The following PNKP variants were observed in gnomAD, a reference collection of about 807,000 sequenced individuals.
PNKP encodes the protein bifunctional polynucleotide phosphatase/kinase.
PNKP carries 82 observed loss-of-function variants against 66.2 expected under a neutral mutation model. The ratio of observed to expected loss-of-function variants is 1.24; its 90% confidence interval spans 1.04 to 1.49. The LOEUF is 1.49. Ranked by LOEUF, PNKP falls within the 40% of genes most tolerant of loss-of-function variation. The pLI is 0.00. For synonymous variants in PNKP, 412 were observed against 298.9 expected (o/e 1.38, Z -3.90); for missense variants, 907 against 706.8 (o/e 1.28, Z -3.21).
rs796052850 is a variant in PNKP at position 49,864,205 on chromosome 19, G to A, written c.610C>T (p.Arg204Ter). The part of the protein sequence containing the change: ...ILYPEIPRKL[R>*]ELEAEGYKLV... Reference sequence around the variant, plus strand: ...TTGTAGCCCTCGGCTTCCAGCTCTCGGAGCTTACGGGGAATCTCTGGGTAC... The same window carrying A: ...TTGTAGCCCTCGGCTTCCAGCTCTCAGAGCTTACGGGGAATCTCTGGGTAC... Residue 204 changes from arginine to a stop codon, truncating the protein, a stop_gained, in exon 6 of 17, where the codon CGA becomes TGA. Transcript: ENST00000322344. LOFTEE classifies it high-confidence loss of function. 1.9e-5 allele frequency: 30 copies of A among 1,614,026 alleles called. No individual in the cohort carries two copies. The highest frequency in any genetic ancestry group is 3.3e-5 in the South Asian group (3 of 91,088).
Position 49,867,563 on chromosome 19 carries a change from C to T in PNKP, c.-108G>A. ...ACCCGGCCGGCGGCGGTCGGTTCCT[C>T]GGCGGACGGAAATGACTCGTCCCCT... is the stretch of plus-strand genomic sequence containing the variant. On this transcript the variant is annotated 5_prime_UTR_variant, in exon 1 of 17. Coordinates refer to ENST00000322344, the MANE Select transcript of PNKP (RefSeq NM_007254.4). 4.8e-6 allele frequency: 1 copy of T among 206,506 alleles called. No individual in the cohort carries two copies. Among genetic ancestry groups the T allele is most frequent in the Non-Finnish European group, 9.1e-6 (1 of 110,294 alleles). The allele number at this position is 206,506 out of a possible 1,614,324, so 12.8% of individuals were successfully genotyped here.
chr19:49,864,395 G>C lies in PNKP; in HGVS notation c.507C>G (p.Gly169=). 6.2e-7 allele frequency: 1 copy of C among 1,613,348 alleles called. No homozygotes were observed. The highest frequency in any genetic ancestry group is 1.1e-5 in the South Asian group (1 of 91,070). ...AGVKPQGKVA[G]FDLDGTLITT... ...TGATGAGCGTCCCGTCCAGATCAAA[G>C]CCAGCCACCTGGTGTCACCAAGGAA... Residue 169 remains glycine (G), a synonymous_variant, in exon 5 of 17, where the codon GGC becomes GGG. Transcript: ENST00000322344.
chr19:49,861,671 C>A lies in PNKP; in HGVS notation c.1323G>T (p.Ala441=), dbSNP rs778138676. Residue 441 remains alanine, a synonymous_variant, in exon 15 of 17, where the codon GCG becomes GCT. Coordinates refer to ENST00000322344, the MANE Select transcript of PNKP (RefSeq NM_007254.4). The part of the protein sequence containing the change: ...RARYVQCARA[A]GVPCRCFLFT... ...AGAGGAAGCAGCGGCAGGGGACGCC[C>A]GCGGCTCGGGCACACTGGACGTACC... 4 of 1,548,102 alleles carry A rather than the reference C, an allele frequency of 2.6e-6. No individual in the cohort carries two copies. The South Asian group carries it at 3.6e-5, about 14-fold the overall frequency.
At position 49,865,228 on chromosome 19, in the gene PNKP, C is replaced by T. The variant is rs775168371; in HGVS notation, c.397G>A (p.Ala133Thr). Residue 133 changes from alanine to threonine, a missense_variant, in exon 4 of 17, where the codon GCT becomes ACT. Ala to Thr is a moderately conservative substitution (Grantham distance 58, BLOSUM62 0). Transcript: ENST00000322344. Reference protein sequence around the residue: ...PLVSQDEKRDAELPKKRMRKS... With the variant: ...PLVSQDEKRDTELPKKRMRKS... ...CGCATACGCTTCTTCGGCAGCTCAG[C>T]ATCTCTCTTCTCATCTTGGGACACC... is the stretch of plus-strand genomic sequence containing the variant. 1 of 1,614,208 alleles carries T rather than the reference C, an allele frequency of 6.2e-7. No homozygotes were observed. The highest frequency in any genetic ancestry group is 1.1e-5 in the South Asian group (1 of 91,086).
rs2074823183 is a variant in PNKP at position 49,866,694 on chromosome 19, C to G, written c.152-249G>C. 8.0e-6 allele frequency: 5 copies of G among 623,052 alleles called. No homozygotes were observed. The Admixed American group carries it at 1.2e-4, about 15-fold the overall frequency. 38.6% of individuals were successfully genotyped at this position (623,052 alleles called of 1,614,324 possible). ...GTTTCCTCCTTGACAAAAAATGTGG[C>G]TAGATATAGGTCCGGGGCTTGGCCT... On this transcript the variant is annotated intron_variant, in intron 2 of 16. Transcript: ENST00000322344.
At chr19:49,863,414 C>T (rs971271233) in intron 8 of PNKP, among the ~76,000 whole-genome samples, 2 of 152,266 alleles carry the variant, frequency 1.3e-5, no homozygotes, top group Non-Finnish European at 2.9e-5. Flanking sequence ...GTCCCGCTCA[C>T]TGATACCTTC....
At chr19:49,866,559 A>C (rs2074822295) in intron 2 of PNKP, 114 bp from the exon 3 acceptor site, 1 of 983,616 alleles carries the variant, frequency 1.0e-6, no homozygotes, top group African/African-American at 1.6e-5. Context: ...GAGGCAGTTT[A>C]TTTCTACATG....
At chr19:49,863,815 G>A (rs1279954653) in intron 7 of PNKP, 55 bp from the exon 8 acceptor site, 23 of 1,481,342 alleles carry the variant, frequency 1.6e-5, no homozygotes, top group South Asian at 6.0e-5. Flanking sequence ...CCTACTGGAT[G>A]CCACCCCAGC....
rs2074821167 is a variant in PNKP, at chr19:49,866,444, C to T, written c.153G>A (p.Val51=). 1 of 1,614,180 alleles carries T rather than the reference C, an allele frequency of 6.2e-7. No homozygotes were observed. The highest frequency in any genetic ancestry group is 1.1e-5 in the South Asian group (1 of 91,088). ...VTDRKCSRTQ[V]ELVADPETRT... Reference sequence around the variant, plus strand: ...GGGTCTCAGGATCTGCGACCAGCTCCACTGAGGATTGGAGGGGTGGAGTCA... The same window carrying T: ...GGGTCTCAGGATCTGCGACCAGCTCTACTGAGGATTGGAGGGGTGGAGTCA... The change falls in exon 3 of 17, where the codon GTG becomes GTA. Residue 51 remains valine, a splice_region_variant and synonymous_variant. Coordinates refer to ENST00000322344, the MANE Select transcript of PNKP (RefSeq NM_007254.4).
Position 49,863,986 on chromosome 19 carries a change from T to A in PNKP, c.722A>T (p.Glu241Val). ...TACCTGGAAGGGGACCCCCAGCTTCTCCACCACAGCCTCCACCTTGGCCTT... is the reference window on the plus strand; with the variant it reads ...TACCTGGAAGGGGACCCCCAGCTTCACCACCACAGCCTCCACCTTGGCCTT... The part of the protein sequence containing the change: ...EFKAKVEAVV[E>V]KLGVPFQVLV... Residue 241 changes from glutamate (E) to valine (V), a missense_variant, in exon 7 of 17, where the codon GAG becomes GTG. Glu to Val is a moderately radical substitution (Grantham distance 121, BLOSUM62 -2). Coordinates refer to ENST00000322344, the MANE Select transcript of PNKP (RefSeq NM_007254.4). 1 of 1,613,768 alleles carries A rather than the reference T, an allele frequency of 6.2e-7. No individual in the cohort carries two copies. Among genetic ancestry groups the A allele is most frequent in the Non-Finnish European group, 8.5e-7 (1 of 1,179,752 alleles).
Position 49,862,755 on chromosome 19 carries a change from TGAG to T in PNKP, c.817-20_817-18del, listed in dbSNP as rs1568660706. 1.2e-6 allele frequency: 2 copies of T among 1,613,828 alleles called. No individual in the cohort carries two copies. Among genetic ancestry groups the T allele is most frequent in the South Asian group, 2.2e-5 (2 of 91,082 alleles). ...GTCGTTGGCCTACGGGAGACGGTAG[TGAG>T]GAGGCCCTTCCCACAAATGTCCCCC... On this transcript the variant is annotated intron_variant, in intron 8 of 16. Coordinates refer to ENST00000322344, the MANE Select transcript of PNKP (RefSeq NM_007254.4).
intron 4 of PNKP, 70 bp downstream of exon 4, chr19:49,865,057 G>C (rs1466710293): frequency 1.9e-5 from 25 of 1,349,028 alleles, no homozygotes; most frequent in Admixed American, 3.5e-5. Flanking sequence ...AAAAAGTTGA[G>C]AGCACGCAAC....
At chr19:49,861,721 A>T in intron 14 of PNKP, 26 bp from the exon 15 acceptor site, 1 of 1,548,764 alleles carries the variant, frequency 6.5e-7, no homozygotes, top group Non-Finnish European at 8.7e-7. Context: ...CTGGATGTGC[A>T]GGCCCCGCCC....
Position 49,865,215 on chromosome 19 carries a change from T to C in PNKP, c.410A>G (p.Lys137Arg), listed in dbSNP as rs749002843. ...GGGGTTTGACTTCCGCATACGCTTC[T>C]TCGGCAGCTCAGCATCTCTCTTCTC... is the stretch of plus-strand genomic sequence containing the variant. ...QDEKRDAELPKKRMRKSNPGW... is the reference protein window; with the variant it reads ...QDEKRDAELPRKRMRKSNPGW... Residue 137 changes from lysine to arginine, a missense_variant, in exon 4 of 17, where the codon AAG (lysine) becomes AGG (arginine). Physicochemically the swap from Lys to Arg is conservative, Grantham distance 26 (BLOSUM62 2). Transcript: ENST00000322344. 2.5e-6 allele frequency: 4 copies of C among 1,614,226 alleles called. No homozygotes were observed. The South Asian group carries it at 4.4e-5, about 18-fold the overall frequency.
intron 2 of PNKP, 138 bp from the exon 3 acceptor site, chr19:49,866,583 G>A: frequency 1.2e-6 from 1 of 805,942 alleles, no homozygotes; most frequent in Non-Finnish European, 2.2e-6. Context: ...TTGGCTCCTT[G>A]ACATGCAGTA....
chr19:49,867,315 T>G, intron 1 of PNKP, 98 bp from the exon 2 acceptor site: 2 of 1,263,230 alleles, frequency 1.6e-6, no homozygotes, highest in Non-Finnish European at 2.2e-6. Flanking sequence ...TCCCCACCAT[T>G]AACTGCTCCG....
intron 16 of PNKP, 37 bp downstream of exon 16, chr19:49,861,412 A>G: frequency 6.2e-7 from 1 of 1,614,050 alleles, no homozygotes; most frequent in Non-Finnish European, 8.5e-7. Flanking sequence ...CATGTGGCCC[A>G]GCCAGTGCCC....
chr19:49,863,835 G>A, intron 7 of PNKP, 75 bp from the exon 8 acceptor site: 1 of 1,434,822 alleles, frequency 7.0e-7, no homozygotes. Context: ...CCCAGAATTT[G>A]TAGCTGATGA....
At position 49,864,482 on chromosome 19, in the gene PNKP, C is replaced by A. The variant is rs1600420958; in HGVS notation, c.499-79G>T. 4.2e-5 allele frequency: 45 copies of A among 1,077,062 alleles called. No homozygotes were observed. The East Asian group carries it at 9.9e-4, about 24-fold the overall frequency. The allele number at this position is 1,077,062 out of a possible 1,614,324, so 66.7% of individuals were successfully genotyped here. The stretch of plus-strand genomic sequence containing the variant: ...TCACTCACAGGCTGACTCACACCAA[C>A]CCTGCCAGGCAGGGTGTTATCACTG... On this transcript the variant is annotated intron_variant, in intron 4 of 16. Coordinates refer to ENST00000322344, the MANE Select transcript of PNKP (RefSeq NM_007254.4).
Sources: gnomAD v4.1 joint callset for allele counts (sites outside exome capture counted in the v4.1 genomes callset) on GRCh38, gnomAD v4.1.1 for gene constraint, MANE v1.5 for transcripts, NCBI Gene and HGNC (gene_info 2026-07-23, HGNC 2026-07-21) for gene names.